The following SYN2 variants were observed in gnomAD, a reference collection of about 807,000 sequenced individuals.
SYN2 encodes synapsin-2.
A neutral mutation model predicts 50.9 loss-of-function variants in SYN2; 19 were observed. That is an observed-to-expected ratio of 0.37 (90% CI 0.26 to 0.55). The LOEUF (loss-of-function observed/expected upper bound fraction) is 0.55. Among genes scored for constraint, SYN2 ranks in the 20% least tolerant of loss-of-function variants. The pLI is 0.81. For synonymous variants in SYN2, 255 were observed against 224.9 expected (o/e 1.13, Z -1.20); for missense variants, 587 against 576.4 (o/e 1.02, Z -0.19).
chr3:12,033,109 C>G (rs970912621), intron 1 of SYN2, among the ~76,000 whole-genome samples: 3 of 151,558 alleles, frequency 2.0e-5, no homozygotes, highest in African/African-American at 7.3e-5. Context: ...AGACAGGACC[C>G]TCAGCTGCAG....
chr3:12,087,827 G>A (rs1053266584), intron 1 of SYN2, among the ~76,000 whole-genome samples: 3 of 152,040 alleles, frequency 2.0e-5, no homozygotes, highest in Non-Finnish European at 4.4e-5. Context: ...ACAGACAATG[G>A]GGAAAGGACA....
At chr3:12,083,491 A>G (rs1281521880) in intron 1 of SYN2, among the ~76,000 whole-genome samples, 4 of 152,184 alleles carry the variant, frequency 2.6e-5, no homozygotes, top group Non-Finnish European at 5.9e-5. Context: ...ACTCAAGGAG[A>G]GAGCTAGGGA....
intron 1 of SYN2, among the ~76,000 whole-genome samples, chr3:12,135,147 A>G (rs553729520): frequency 1.9e-4 from 29 of 152,216 alleles, no homozygotes; most frequent in Admixed American, 3.3e-4. Context: ...CTGTGCCAGT[A>G]GAGTCTGTGG....
chr3:12,153,357 G>A (rs1021447133), intron 5 of SYN2: 3 of 827,164 alleles, frequency 3.6e-6, no homozygotes, highest in Non-Finnish European at 5.9e-6. Context: ...GAAAAGTCAT[G>A]GCCCCTTCCC....
intron 1 of SYN2, among the ~76,000 whole-genome samples, chr3:12,069,171 A>G (rs1695284422): frequency 6.6e-6 from 1 of 151,738 alleles, no homozygotes; most frequent in Non-Finnish European, 1.5e-5. Context: ...CAGTTGATGG[A>G]CATTTGGGTT....
intron 7 of SYN2, among the ~76,000 whole-genome samples, chr3:12,165,067 A>C (rs948945885): frequency 1.4e-4 from 20 of 146,484 alleles, no homozygotes; most frequent in African/African-American, 5.0e-4. Context: ...GCTCACTGCA[A>C]CCTCCGCCTC....
chr3:12,157,545 G>C, intron 5 of SYN2: 1 of 1,501,916 alleles, frequency 6.7e-7, no homozygotes, highest in Non-Finnish European at 9.2e-7. Context: ...CCTGAGGTCT[G>C]GATGATCCAG....
intron 4 of SYN2, among the ~76,000 whole-genome samples, chr3:12,148,309 C>G (rs1257714394): frequency 6.6e-6 from 1 of 152,102 alleles, no homozygotes; most frequent in African/African-American, 2.4e-5. Flanking sequence ...CAGCAGGGCT[C>G]CCTGGCCAGA....
Position 12,100,066 on chromosome 3 carries a change from T to C in SYN2, c.378-40585T>C, listed in dbSNP as rs182631212. On this transcript the variant is annotated intron_variant, in intron 1 of 12. Transcript: ENST00000621198. Reference sequence around the variant, plus strand: ...TGGAAAGACATTGTTAAGATAGCAATCTATGTCAAAGTGGATTTGATATGG... The same window carrying C: ...TGGAAAGACATTGTTAAGATAGCAACCTATGTCAAAGTGGATTTGATATGG... Among the ~76,000 whole-genome samples, 4 of 151,394 alleles carry C rather than the reference T, an allele frequency of 2.6e-5. No homozygotes were observed. In the East Asian group the frequency reaches 7.8e-4, roughly 29 times the overall value.
chr3:12,173,958 C>T (rs1415709734), intron 10 of SYN2, among the ~76,000 whole-genome samples: 1 of 152,150 alleles, frequency 6.6e-6, no homozygotes, highest in African/African-American at 2.4e-5. Context: ...CACTTTTGTT[C>T]TTATCTTACA....
intron 1 of SYN2, among the ~76,000 whole-genome samples, chr3:12,046,540 G>A (rs527783478): frequency 6.6e-6 from 1 of 152,152 alleles, no homozygotes; most frequent in Admixed American, 6.5e-5. Context: ...AGTTTTGATG[G>A]AAGAGAGACA....
Position 12,168,483 on chromosome 3 carries a change from G to C in SYN2, c.1158+5G>C. ...GGGAAAGACTACATTTTTGAGGTAA[G>C]TCTGGACCAAGCAGTAAGAGGTAAC... On this transcript the variant is annotated splice_donor_5th_base_variant and intron_variant, in intron 9 of 12. Transcript: ENST00000621198. The C allele has an allele frequency of 1.9e-6, 3 of 1,612,720 alleles. No individual in the cohort carries two copies. The highest frequency in any genetic ancestry group is 2.5e-6 in the Non-Finnish European group (3 of 1,179,136).
intron 1 of SYN2, among the ~76,000 whole-genome samples, chr3:12,013,134 A>T (rs1203843280): frequency 1.3e-5 from 2 of 152,122 alleles, no homozygotes; most frequent in Non-Finnish European, 1.5e-5. Flanking sequence ...CCTTTTTAAA[A>T]TTTTTAAATA....
At chr3:12,188,267 AC>A (rs1269933974) in intron 12 of SYN2, among the ~76,000 whole-genome samples, 1 of 152,142 alleles carries the variant, frequency 6.6e-6, no homozygotes, top group African/African-American at 2.4e-5. Context: ...GCCCCTCCAC[AC>A]TGCCCCACTG....
At chr3:12,177,976 T>G (rs1698122743) in intron 10 of SYN2, among the ~76,000 whole-genome samples, 1 of 152,186 alleles carries the variant, frequency 6.6e-6, no homozygotes, top group Non-Finnish European at 1.5e-5. Flanking sequence ...GGGCACCTTT[T>G]AGAACCTTTT....
At chr3:12,188,613 AT>A (rs34862950) in intron 12 of SYN2, among the ~76,000 whole-genome samples, 141,749 of 151,544 alleles carry the variant, frequency 0.94, 66,377 homozygotes, top group East Asian at 1. Flanking sequence ...TCAAAGAAAA[AT>A]TTTTTTTTTT....
chr3:12,088,282 A>AT (rs1487319247), intron 1 of SYN2, among the ~76,000 whole-genome samples: 1 of 152,224 alleles, frequency 6.6e-6, no homozygotes, highest in East Asian at 1.9e-4. Flanking sequence ...AAGAATGCAT[A>AT]TGAATGGCCA....
At chr3:12,092,331 T>C (rs890292986) in intron 1 of SYN2, among the ~76,000 whole-genome samples, 3 of 152,234 alleles carry the variant, frequency 2.0e-5, no homozygotes, top group African/African-American at 4.8e-5. Context: ...TATGTTGCTC[T>C]TTCTTTAAGA....
At chr3:12,039,657 G>C (rs1213798552) in intron 1 of SYN2, among the ~76,000 whole-genome samples, 1 of 137,730 alleles carries the variant, frequency 7.3e-6, no homozygotes, top group African/African-American at 2.7e-5. Flanking sequence ...GATTTTTTTT[G>C]AAGGTGTGCC....
Sources: gnomAD v4.1 joint callset for allele counts (sites outside exome capture counted in the v4.1 genomes callset) on GRCh38, gnomAD v4.1.1 for gene constraint, MANE v1.5 for transcripts, NCBI Gene and HGNC (gene_info 2026-07-23, HGNC 2026-07-21) for gene names.